The following HS6ST3 variants were observed in gnomAD, a reference collection of about 807,000 sequenced individuals.
The protein encoded by HS6ST3 is heparan-sulfate 6-O-sulfotransferase 3.
A neutral mutation model predicts 36.7 loss-of-function variants in HS6ST3; 12 were observed. The observed-to-expected ratio is 0.33, with a 90% confidence interval of 0.21 to 0.53. The LOEUF (loss-of-function observed/expected upper bound fraction) is 0.53. HS6ST3 is among the 20% of genes least tolerant of loss of function. The pLI is 0.95. For missense variants in HS6ST3, 584 were observed against 640.9 expected (o/e 0.91, Z 0.96); for synonymous variants, 240 against 257.5 (o/e 0.93, Z 0.65).
At chr13:96,619,852 G>A (rs1189222928) in intron 1 of HS6ST3, among the ~76,000 whole-genome samples, 2 of 151,316 alleles carry the variant, frequency 1.3e-5, no homozygotes, top group Non-Finnish European at 1.5e-5. Context: ...GTTGGACAAG[G>A]TTGACAGTTG....
chr13:96,667,273 C>A (rs1287508166), intron 1 of HS6ST3, among the ~76,000 whole-genome samples: 1 of 152,168 alleles, frequency 6.6e-6, no homozygotes, highest in Non-Finnish European at 1.5e-5. Context: ...GTAACGAAAT[C>A]TTCTGAAAGG....
chr13:96,774,825 C>G (rs1392418019), intron 1 of HS6ST3, among the ~76,000 whole-genome samples: 1 of 152,108 alleles, frequency 6.6e-6, no homozygotes, highest in Non-Finnish European at 1.5e-5. Context: ...TCAGGAAATA[C>G]AGGGAACACT....
At chr13:96,315,834 C>T (rs1036043162) in intron 1 of HS6ST3, among the ~76,000 whole-genome samples, 1 of 152,022 alleles carries the variant, frequency 6.6e-6, no homozygotes, top group African/African-American at 2.4e-5. Context: ...AATAGATACC[C>T]AAGGGAGATG....
intron 1 of HS6ST3, among the ~76,000 whole-genome samples, chr13:96,544,522 C>A (rs1270928059): frequency 6.6e-6 from 1 of 152,116 alleles, no homozygotes; most frequent in Non-Finnish European, 1.5e-5. Flanking sequence ...AAAGAGTGAG[C>A]ACTTTGCCAC....
intron 1 of HS6ST3, among the ~76,000 whole-genome samples, chr13:96,267,412 A>T (rs1242320574): frequency 6.6e-6 from 1 of 152,152 alleles, no homozygotes; most frequent in Non-Finnish European, 1.5e-5. Flanking sequence ...CTAAATTCTA[A>T]TTCTAATTTA....
At chr13:96,459,685 A>G (rs147746463) in intron 1 of HS6ST3, among the ~76,000 whole-genome samples, 18 of 152,330 alleles carry the variant, frequency 1.2e-4, no homozygotes, top group African/African-American at 3.4e-4. Flanking sequence ...GTACAATTGC[A>G]TACATGTTCC....
At chr13:96,559,661 G>A (rs932605529) in intron 1 of HS6ST3, among the ~76,000 whole-genome samples, 3 of 152,030 alleles carry the variant, frequency 2.0e-5, no homozygotes, top group Non-Finnish European at 4.4e-5. Flanking sequence ...CCCAGGTGCT[G>A]ATCACCTTAA....
chr13:96,317,342 AT>A (rs879717174), intron 1 of HS6ST3, among the ~76,000 whole-genome samples: 9,971 of 36,518 alleles, frequency 0.27, 650 homozygotes, highest in Non-Finnish European at 0.31. Context: ...ATATATATAT[AT>A]ATATATATAT....
At chr13:96,169,029 C>T (rs1357466428) in intron 1 of HS6ST3, among the ~76,000 whole-genome samples, 1 of 152,172 alleles carries the variant, frequency 6.6e-6, no homozygotes, top group African/African-American at 2.4e-5. Context: ...AGGGCTGAAA[C>T]AGGCATGGTC....
At chr13:96,467,954 G>C (rs1014290783) in intron 1 of HS6ST3, among the ~76,000 whole-genome samples, 3 of 152,146 alleles carry the variant, frequency 2.0e-5, no homozygotes, top group Non-Finnish European at 2.9e-5. Context: ...TATGGACTGG[G>C]AACAGCATTA....
At chr13:96,210,856 A>G (rs2054395535) in intron 1 of HS6ST3, among the ~76,000 whole-genome samples, 1 of 151,588 alleles carries the variant, frequency 6.6e-6, no homozygotes. Context: ...GGCCTCCCAA[A>G]GTGCTAGGAT....
chr13:96,805,197 C>T (rs1387046260), intron 1 of HS6ST3, among the ~76,000 whole-genome samples: 1 of 152,114 alleles, frequency 6.6e-6, no homozygotes, highest in African/African-American at 2.4e-5. Flanking sequence ...TTGCAATCCC[C>T]ATGTGTCGGG....
rs180787301 is a variant in HS6ST3, at chr13:96,563,898, C to T, written c.708-268592C>T. 3.3e-5 allele frequency among the ~76,000 whole-genome samples: 5 copies of T among 152,270 alleles called. No individual in the cohort carries two copies. In the East Asian group the frequency reaches 5.8e-4, roughly 18 times the overall value. Reference sequence around the variant, plus strand: ...GCCTGAGGCTCATGCCATATGGTTACGGCCAGCCTGTGTGCAGATACCTTC... The same window carrying T: ...GCCTGAGGCTCATGCCATATGGTTATGGCCAGCCTGTGTGCAGATACCTTC... On this transcript the variant is annotated intron_variant, in intron 1 of 1. Coordinates refer to ENST00000376705, the MANE Select transcript of HS6ST3 (RefSeq NM_153456.4).
intron 1 of HS6ST3, among the ~76,000 whole-genome samples, chr13:96,115,333 C>T (rs2053888886): frequency 6.6e-6 from 1 of 152,154 alleles, no homozygotes; most frequent in East Asian, 1.9e-4. Context: ...AGGTTTGTTA[C>T]ATAGGTGTAC....
intron 1 of HS6ST3, among the ~76,000 whole-genome samples, chr13:96,311,864 G>C (rs1041612802): frequency 6.6e-6 from 1 of 152,196 alleles, no homozygotes; most frequent in Admixed American, 6.5e-5. Context: ...TGAGCTTCAA[G>C]AGGGAGAGAG....
At chr13:96,584,249 T>C (rs2056352734) in intron 1 of HS6ST3, among the ~76,000 whole-genome samples, 1 of 152,132 alleles carries the variant, frequency 6.6e-6, no homozygotes, top group South Asian at 2.1e-4. Flanking sequence ...GTTCAAGAGA[T>C]TCTCCTGCCT....
chr13:96,236,997 C>T (rs1043538647), intron 1 of HS6ST3, among the ~76,000 whole-genome samples: 5 of 152,156 alleles, frequency 3.3e-5, no homozygotes, highest in African/African-American at 9.7e-5. Context: ...GGAGAAGGCA[C>T]CTCTTCACAG....
chr13:96,112,582 T>TACATATATATATAC (rs1321584593), intron 1 of HS6ST3, among the ~76,000 whole-genome samples: 978 of 41,696 alleles, frequency 0.023, 78 homozygotes, highest in African/African-American at 0.078. Flanking sequence ...TAAATAAATA[T>TACATATATATATAC]ATATATATAT....
chr13:96,493,262 G>C (rs562789052), intron 1 of HS6ST3, among the ~76,000 whole-genome samples: 1 of 152,224 alleles, frequency 6.6e-6, no homozygotes, highest in South Asian at 2.1e-4. Context: ...TTACCTTAAT[G>C]ATTCCAGGAA....
Sources: gnomAD v4.1 joint callset for allele counts (sites outside exome capture counted in the v4.1 genomes callset) on GRCh38, gnomAD v4.1.1 for gene constraint, MANE v1.5 for transcripts, NCBI Gene and HGNC (gene_info 2026-07-23, HGNC 2026-07-21) for gene names.